The following CTNNA3 variants were observed in gnomAD, a reference collection of about 807,000 sequenced individuals.
CTNNA3 encodes the protein catenin alpha-3.
CTNNA3 carries 76 observed loss-of-function variants against 95.7 expected under a neutral mutation model. That is an observed-to-expected ratio of 0.79 (90% CI 0.66 to 0.96). The LOEUF is 0.96. Ranked by LOEUF, CTNNA3 falls within the 40% of genes least tolerant of loss-of-function variation. CTNNA3 has a pLI of 0.00. For missense variants in CTNNA3, 1,191 were observed against 1,089.8 expected (o/e 1.09, Z -1.31); for synonymous variants, 431 against 374.4 (o/e 1.15, Z -1.74).
At chr10:67,583,786 C>T (rs1445663530) in intron 3 of CTNNA3, among the ~76,000 whole-genome samples, 1 of 152,160 alleles carries the variant, frequency 6.6e-6, no homozygotes, top group African/African-American at 2.4e-5. Context: ...CTAAACTTCT[C>T]TTCTCGCTTC....
intron 12 of CTNNA3, among the ~76,000 whole-genome samples, chr10:66,344,831 C>A (rs912778533): frequency 6.6e-6 from 1 of 152,008 alleles, no homozygotes; most frequent in African/African-American, 2.4e-5. Context: ...CATATTCCTG[C>A]CTTCCTGGTT....
intron 7 of CTNNA3, among the ~76,000 whole-genome samples, chr10:66,958,470 T>TAA (rs910398956): frequency 9.7e-4 from 145 of 149,700 alleles, no homozygotes; most frequent in Admixed American, 2.3e-3. Flanking sequence ...CTTTTTTTTT[T>TAA]AAAAAAAATA....
intron 17 of CTNNA3, among the ~76,000 whole-genome samples, chr10:65,940,792 C>T (rs1225902222): frequency 6.6e-6 from 1 of 152,116 alleles, no homozygotes; most frequent in Non-Finnish European, 1.5e-5. Context: ...ACTTGCAATG[C>T]CATTCACAAA....
intron 9 of CTNNA3, among the ~76,000 whole-genome samples, chr10:66,628,455 A>T (rs1845016550): frequency 1.3e-5 from 2 of 152,148 alleles, no homozygotes; most frequent in African/African-American, 4.8e-5. Flanking sequence ...AACTGCCCCG[A>T]GTGGATTTCA....
intron 11 of CTNNA3, among the ~76,000 whole-genome samples, chr10:66,511,066 T>C (rs540595821): frequency 1.3e-5 from 2 of 151,688 alleles, no homozygotes; most frequent in Non-Finnish European, 2.9e-5. Context: ...AATCTTCTTA[T>C]TTGTTATTGG....
At chr10:67,750,491 C>A in intron 1 of CTNNA3, 3 of 1,541,252 alleles carry the variant, frequency 1.9e-6, no homozygotes, top group Non-Finnish European at 2.7e-6. Flanking sequence ...GGCTGTAAAG[C>A]GGGAGGACCT....
chr10:66,587,117 T>C (rs1843384897), intron 10 of CTNNA3, among the ~76,000 whole-genome samples: 1 of 152,100 alleles, frequency 6.6e-6, no homozygotes, highest in African/African-American at 2.4e-5. Context: ...ATTTTCTTGG[T>C]TATAAATAGC....
chr10:66,743,458 T>C (rs1369751566), intron 9 of CTNNA3, among the ~76,000 whole-genome samples: 1 of 152,180 alleles, frequency 6.6e-6, no homozygotes, highest in African/African-American at 2.4e-5. Context: ...TCTGAAAATA[T>C]GAGACTTTAT....
chr10:66,164,901 C>A (rs1319672222), intron 13 of CTNNA3, among the ~76,000 whole-genome samples: 2 of 151,940 alleles, frequency 1.3e-5, no homozygotes, highest in Admixed American at 1.3e-4. Context: ...TTAAATGAAT[C>A]TTCTGTAGGT....
At chr10:67,168,910 C>A (rs542282715) in intron 7 of CTNNA3, among the ~76,000 whole-genome samples, 1 of 152,114 alleles carries the variant, frequency 6.6e-6, no homozygotes, top group African/African-American at 2.4e-5. Context: ...CTCAAAAGCT[C>A]CTTCAGCTAA....
chr10:66,024,085 ATTTTTTTTT>A (rs71474007), intron 15 of CTNNA3, among the ~76,000 whole-genome samples: 2 of 87,748 alleles, frequency 2.3e-5, no homozygotes, highest in East Asian at 3.6e-4. Context: ...TACCATACAC[ATTTTTTTTT>A]TTTTTTTTTT....
chr10:66,621,814 AT>A, intron 9 of CTNNA3, 30 bp from the exon 10 acceptor site: 2 of 1,417,368 alleles, frequency 1.4e-6, no homozygotes, highest in South Asian at 1.2e-5. Flanking sequence ...AATGGAAATT[AT>A]TTTAGATTAG....
At chr10:65,990,276 C>G (rs1023043688) in intron 15 of CTNNA3, among the ~76,000 whole-genome samples, 1 of 151,852 alleles carries the variant, frequency 6.6e-6, no homozygotes, top group East Asian at 1.9e-4. Flanking sequence ...TACGTTAGTA[C>G]TACTTTTAAT....
intron 4 of CTNNA3, among the ~76,000 whole-genome samples, chr10:67,528,488 T>G (rs1018544045): frequency 6.6e-6 from 1 of 152,162 alleles, no homozygotes; most frequent in Admixed American, 6.5e-5. Flanking sequence ...TCAGGACTAT[T>G]ACAAGTCTTT....
chr10:66,177,975 T>A (rs1181236563), intron 13 of CTNNA3, among the ~76,000 whole-genome samples: 14 of 151,948 alleles, frequency 9.2e-5, no homozygotes, highest in African/African-American at 3.1e-4. Context: ...ACATTTATCA[T>A]GTCCAGAAGG....
At chr10:67,385,614 A>G (rs1844123985) in intron 5 of CTNNA3, among the ~76,000 whole-genome samples, 1 of 152,196 alleles carries the variant, frequency 6.6e-6, no homozygotes, top group African/African-American at 2.4e-5. Flanking sequence ...TAAAGGAAGA[A>G]GGAATCATAT....
intron 3 of CTNNA3, among the ~76,000 whole-genome samples, chr10:67,584,164 C>T (rs564200426): frequency 3.4e-4 from 52 of 152,290 alleles, no homozygotes; most frequent in African/African-American, 1.2e-3. Flanking sequence ...GAATTTTCAG[C>T]TTTTCTGCTC....
chr10:66,642,159 T>C (rs972604702), intron 9 of CTNNA3, among the ~76,000 whole-genome samples: 13 of 152,018 alleles, frequency 8.6e-5, no homozygotes, highest in Non-Finnish European at 1.8e-4. Flanking sequence ...ACTTCTCATA[T>C]GAAAGTTAAA....
At chr10:67,424,548 T>C (rs1845849382) in intron 5 of CTNNA3, among the ~76,000 whole-genome samples, 1 of 152,124 alleles carries the variant, frequency 6.6e-6, no homozygotes, top group South Asian at 2.1e-4. Context: ...AACTGAAGGA[T>C]TCTGATTATA....
Sources: gnomAD v4.1 joint callset for allele counts (sites outside exome capture counted in the v4.1 genomes callset) on GRCh38, gnomAD v4.1.1 for gene constraint, MANE v1.5 for transcripts, NCBI Gene and HGNC (gene_info 2026-07-23, HGNC 2026-07-21) for gene names.